The following XYLT1 variants were observed in gnomAD, a reference collection of about 807,000 sequenced individuals.
XYLT1 encodes the protein xylosyltransferase 1.
XYLT1 carries 36 observed loss-of-function variants against 91.3 expected under a neutral mutation model. That is an observed-to-expected ratio of 0.39 (90% CI 0.30 to 0.52). XYLT1 has a LOEUF of 0.52. Among genes scored for constraint, XYLT1 ranks in the 20% least tolerant of loss-of-function variants. The pLI is 0.68. For synonymous variants in XYLT1, 588 were observed against 532.0 expected (o/e 1.11, Z -1.45); for missense variants, 1,242 against 1,284.5 (o/e 0.97, Z 0.51).
At chr16:17,210,207 A>C (rs2032731783) in intron 3 of XYLT1, among the ~76,000 whole-genome samples, 1 of 152,086 alleles carries the variant, frequency 6.6e-6, no homozygotes, top group African/African-American at 2.4e-5. Flanking sequence ...TTTTTAGAAA[A>C]ATTATCTGTA....
At chr16:17,412,041 C>T (rs575388899) in intron 1 of XYLT1, among the ~76,000 whole-genome samples, 26 of 152,216 alleles carry the variant, frequency 1.7e-4, no homozygotes, top group African/African-American at 6.3e-4. Context: ...AAAGGGGGAA[C>T]AAGATCTTCC....
chr16:17,219,259 C>T (rs1342008978), intron 3 of XYLT1, among the ~76,000 whole-genome samples: 2 of 111,990 alleles, frequency 1.8e-5, no homozygotes, highest in African/African-American at 6.8e-5. Flanking sequence ...CCAGCCTGGG[C>T]GACTAAGCAA....
At chr16:17,403,221 T>C (rs1234380585) in intron 1 of XYLT1, among the ~76,000 whole-genome samples, 3 of 152,150 alleles carry the variant, frequency 2.0e-5, no homozygotes, top group Non-Finnish European at 4.4e-5. Flanking sequence ...TATCCAGCCT[T>C]GGATGCAGCT....
At chr16:17,379,646 G>A (rs1245499600) in intron 1 of XYLT1, among the ~76,000 whole-genome samples, 1 of 152,094 alleles carries the variant, frequency 6.6e-6, no homozygotes, top group Non-Finnish European at 1.5e-5. Flanking sequence ...GAATCTTGGT[G>A]TCTTCTGGGC....
rs2033413839 is a variant in XYLT1, at chr16:17,245,021, A to T, written c.913+13967T>A. ...TCATATGATTTATGAATCTCTTGTC[A>T]CAAAACCACACTCTTTTTTTTGACA... On this transcript the variant is annotated intron_variant, in intron 3 of 11. Coordinates refer to ENST00000261381, the MANE Select transcript of XYLT1 (RefSeq NM_022166.4). 2.6e-5 allele frequency among the ~76,000 whole-genome samples: 4 copies of T among 151,526 alleles called. No homozygotes were observed. The East Asian group carries it at 7.7e-4, about 29-fold the overall frequency.
intron 1 of XYLT1, among the ~76,000 whole-genome samples, chr16:17,448,296 C>T (rs371508355): frequency 3.3e-5 from 5 of 152,242 alleles, no homozygotes; most frequent in African/African-American, 7.2e-5. Flanking sequence ...ACCCGGGAGG[C>T]GGAGGTTGCA....
At chr16:17,224,096 C>T (rs911532723) in intron 3 of XYLT1, among the ~76,000 whole-genome samples, 3 of 152,144 alleles carry the variant, frequency 2.0e-5, no homozygotes, top group African/African-American at 7.2e-5. Flanking sequence ...GCTTCAATTT[C>T]CCAAAGTGGA....
chr16:17,464,095 T>C (rs1348641258), intron 1 of XYLT1, among the ~76,000 whole-genome samples: 3 of 150,962 alleles, frequency 2.0e-5, no homozygotes, highest in Non-Finnish European at 2.9e-5. Flanking sequence ...AAGATGTTGA[T>C]TGGAAGGATA....
intron 1 of XYLT1, among the ~76,000 whole-genome samples, chr16:17,400,270 T>C (rs2035946729): frequency 6.6e-6 from 1 of 152,094 alleles, no homozygotes. Context: ...CTAACACAAA[T>C]TATAGTACCT....
At chr16:17,122,745 C>G (rs1369599727) in intron 10 of XYLT1, among the ~76,000 whole-genome samples, 2 of 152,118 alleles carry the variant, frequency 1.3e-5, no homozygotes, top group African/African-American at 4.8e-5. Context: ...TTGATCCATC[C>G]TCAGTTGATT....
intron 1 of XYLT1, among the ~76,000 whole-genome samples, chr16:17,433,838 A>C (rs944634488): frequency 6.6e-6 from 1 of 152,178 alleles, no homozygotes; most frequent in African/African-American, 2.4e-5. Flanking sequence ...GAAAATATCT[A>C]AGATACTGGA....
intron 8 of XYLT1, among the ~76,000 whole-genome samples, chr16:17,137,147 A>G (rs1238419444): frequency 6.6e-6 from 1 of 152,124 alleles, no homozygotes; most frequent in Non-Finnish European, 1.5e-5. Flanking sequence ...AACGACAGAA[A>G]ACCTGCAGTG....
rs73529542 is a variant in XYLT1 at position 17,465,727 on chromosome 16, C to T, written c.363+4707G>A. ...CTACTGCCTTGGATTTACTCGCACC[C>T]TACACTGTACGGGAAAATGAATAAC... On this transcript the variant is annotated intron_variant, in intron 1 of 11. Coordinates refer to ENST00000261381, the MANE Select transcript of XYLT1 (RefSeq NM_022166.4). Among the ~76,000 whole-genome samples, 897 of 152,290 alleles carry T rather than the reference C, an allele frequency of 5.9e-3. 9 individuals are homozygous for T. The highest frequency in any genetic ancestry group is 0.021 in the African/African-American group (867 of 41,548).
At chr16:17,203,146 T>C (rs575075768) in intron 3 of XYLT1, among the ~76,000 whole-genome samples, 1 of 152,322 alleles carries the variant, frequency 6.6e-6, no homozygotes, top group African/African-American at 2.4e-5. Flanking sequence ...ACACACCATA[T>C]GATCATACCT....
intron 1 of XYLT1, among the ~76,000 whole-genome samples, chr16:17,378,073 C>T (rs1042508891): frequency 6.6e-6 from 1 of 152,156 alleles, no homozygotes; most frequent in Non-Finnish European, 1.5e-5. Flanking sequence ...ACTCAAATGT[C>T]ACGGGGGTTT....
intron 1 of XYLT1, among the ~76,000 whole-genome samples, chr16:17,388,506 C>G (rs763469597): frequency 6.6e-6 from 1 of 152,156 alleles, no homozygotes; most frequent in African/African-American, 2.4e-5. Context: ...CTGCCTGTCA[C>G]CACCTCCCTG....
rs559215248 is a variant in XYLT1, at chr16:17,470,548, GCCT to G, written c.246_248del (p.Gly90del). 311 of 1,212,368 alleles carry G rather than the reference GCCT, an allele frequency of 2.6e-4. No individual in the cohort carries two copies. Among genetic ancestry groups the G allele is most frequent in the Middle Eastern group, 1.3e-3 (4 of 3,134 alleles). 75.1% of individuals were successfully genotyped at this position (1,212,368 alleles called of 1,614,324 possible). On this transcript the variant is annotated inframe_deletion, in exon 1 of 12. Transcript: ENST00000261381. Reference sequence around the variant, plus strand: ...CCCGTCCTCCTCCTCCTCCGCCGCCGCCTCCTCCTCCTCCTCGGGCTGCAGCCG... The same window carrying G: ...CCCGTCCTCCTCCTCCTCCGCCGCCGCCTCCTCCTCCTCGGGCTGCAGCCG...
chr16:17,138,148 T>TTAATGAGTCAA (rs1171907595), intron 8 of XYLT1: 20 of 541,100 alleles, frequency 3.7e-5, no homozygotes, highest in Non-Finnish European at 5.4e-5. Context: ...TGTTTTTGGG[T>TTAATGAGTCAA]TAATGAGTCA....
At chr16:17,199,666 A>T (rs1276907472) in intron 4 of XYLT1, among the ~76,000 whole-genome samples, 1 of 152,144 alleles carries the variant, frequency 6.6e-6, no homozygotes, top group Non-Finnish European at 1.5e-5. Context: ...TGATGGTTTT[A>T]CACCGGGAAA....
Sources: allele counts gnomAD v4.1 joint callset (sites outside exome capture counted in the v4.1 genomes callset), GRCh38; gene constraint gnomAD v4.1.1; transcripts MANE v1.5; gene names NCBI Gene and HGNC (gene_info 2026-07-23, HGNC 2026-07-21).